SLC14A2: variants seen among roughly 807,000 people sequenced by gnomAD.
The protein encoded by SLC14A2 is solute carrier family 14 member 2, also known as urea transporter 2.
Under a neutral mutation model 104.6 loss-of-function variants are expected in SLC14A2, and 91 were observed. The ratio of observed to expected loss-of-function variants is 0.87; its 90% confidence interval spans 0.73 to 1.04. SLC14A2 has a LOEUF of 1.04. Ranked by LOEUF, SLC14A2 falls within the 50% of genes least tolerant of loss-of-function variation. The probability of loss-of-function intolerance (pLI) is 0.00; values close to 1 mark genes in which losing one functional copy is unlikely to be tolerated. For synonymous variants in SLC14A2, 476 were observed against 466.4 expected, an observed-to-expected ratio of 1.02 and a Z score of -0.27; for missense variants, 1,189 against 1,156.0, an observed-to-expected ratio of 1.03 and a Z score of -0.41.
intron 4 of SLC14A2, among the ~76,000 whole-genome samples, chr18:45,628,456 A>AAAGAAAG (rs1035193288): frequency 6.6e-6 from 1 of 151,692 alleles, no homozygotes; most frequent in African/African-American, 2.4e-5. Flanking sequence ...AAAAAAAAAA[A>AAAGAAAG]AAAGAAAGAA....
At chr18:45,643,051 T>G in intron 8 of SLC14A2, 81 bp from the exon 9 acceptor site, 5 of 1,314,554 alleles carry the variant, frequency 3.8e-6, no homozygotes, top group Non-Finnish European at 5.5e-6. Flanking sequence ...GTTCTTGGTC[T>G]GGGCTCCCTG....
chr18:45,469,060 C>T (rs139012484), intron 1 of SLC14A2, among the ~76,000 whole-genome samples: 1 of 152,112 alleles, frequency 6.6e-6, no homozygotes, highest in African/African-American at 2.4e-5. Flanking sequence ...GCGGAGGTTG[C>T]CCCTCTGTTG....
At chr18:45,602,469 G>A (rs753247645) in intron 2 of SLC14A2, among the ~76,000 whole-genome samples, 13 of 152,200 alleles carry the variant, frequency 8.5e-5, no homozygotes, top group Non-Finnish European at 1.3e-4. Context: ...TTCACCTACT[G>A]TGTGGCTTTT....
At chr18:45,384,313 G>A (rs985058761) in intron 1 of SLC14A2, among the ~76,000 whole-genome samples, 2 of 152,160 alleles carry the variant, frequency 1.3e-5, no homozygotes, top group African/African-American at 2.4e-5. Flanking sequence ...AAAGTGAATA[G>A]CAGCATGGCA....
chr18:45,208,389 A>G (rs1325374893), upstream of SLC14A2, among the ~76,000 whole-genome samples: 2 of 152,190 alleles, frequency 1.3e-5, no homozygotes, highest in Non-Finnish European at 1.5e-5. Context: ...GCGGACGTTC[A>G]TTTCTGAGAG....
chr18:45,367,955 G>A (rs1248107580), intron 1 of SLC14A2, among the ~76,000 whole-genome samples: 1 of 152,102 alleles, frequency 6.6e-6, no homozygotes, highest in African/African-American at 2.4e-5. Context: ...CAAATCTTGA[G>A]CTCACTGGTT....
intron 2 of SLC14A2, among the ~76,000 whole-genome samples, chr18:45,541,116 A>C (rs2043877288): frequency 6.6e-6 from 1 of 152,080 alleles, no homozygotes; most frequent in Non-Finnish European, 1.5e-5. Context: ...GATCTAAGCC[A>C]TTCAGGAGTC....
intron 1 of SLC14A2, among the ~76,000 whole-genome samples, chr18:45,426,150 C>T (rs1044973757): frequency 6.6e-6 from 1 of 152,172 alleles, no homozygotes; most frequent in Admixed American, 6.5e-5. Flanking sequence ...TCTTATCTAG[C>T]AGTCAAGACC....
intron 1 of SLC14A2, among the ~76,000 whole-genome samples, chr18:45,449,753 C>A (rs1373413115): frequency 6.6e-6 from 1 of 152,140 alleles, no homozygotes; most frequent in Non-Finnish European, 1.5e-5. Flanking sequence ...AAAACAAACC[C>A]CAAGAATCAA....
Position 45,627,136 on chromosome 18 carries a change from G to A in SLC14A2, c.510G>A (p.Leu170=). 2 of 1,614,058 alleles carry A rather than the reference G, an allele frequency of 1.2e-6. No individual in the cohort carries two copies. The highest frequency in any genetic ancestry group is 1.7e-6 in the Non-Finnish European group (2 of 1,179,948). The change falls in exon 4 of 20, where the codon TTG becomes TTA. Residue 170 remains leucine, a synonymous_variant. Transcript: ENST00000255226. ...TCTCGACCTTAACAGCTCTCGCCTTGGGCCAAGACAGGTGGGTCCCTCTCT... is the reference window on the plus strand; with the variant it reads ...TCTCGACCTTAACAGCTCTCGCCTTAGGCCAAGACAGGTGGGTCCCTCTCT... ...TVVSTLTALA[L]GQDRSAIASG...
intron 1 of SLC14A2, among the ~76,000 whole-genome samples, chr18:45,229,489 C>T (rs1044954070): frequency 9.9e-5 from 15 of 152,060 alleles, no homozygotes; most frequent in African/African-American, 3.6e-4. Flanking sequence ...ATAGGTCAGG[C>T]GAGAGCTAAA....
upstream of SLC14A2, among the ~76,000 whole-genome samples, chr18:45,611,007 C>T (rs945939784): frequency 2.6e-5 from 4 of 152,174 alleles, no homozygotes; most frequent in Admixed American, 2.0e-4. Flanking sequence ...AGAAACACCA[C>T]GTAAGGCACA....
At chr18:45,295,538 T>G (rs1033055221) in intron 1 of SLC14A2, among the ~76,000 whole-genome samples, 1 of 152,128 alleles carries the variant, frequency 6.6e-6, no homozygotes, top group Non-Finnish European at 1.5e-5. Context: ...ACAAACATTT[T>G]CCTAGATGTG....
intron 1 of SLC14A2, among the ~76,000 whole-genome samples, chr18:45,265,546 C>T (rs909267054): frequency 6.6e-6 from 1 of 152,114 alleles, no homozygotes. Context: ...TTTATTTGGA[C>T]TCTTGTAAAA....
intron 2 of SLC14A2, among the ~76,000 whole-genome samples, chr18:45,598,442 G>A (rs183620890): frequency 3.3e-5 from 5 of 152,212 alleles, no homozygotes; most frequent in South Asian, 2.1e-4. Flanking sequence ...CATGGACGGC[G>A]CTGCATTATG....
chr18:45,610,412 GT>G (rs1395414447), intron 2 of SLC14A2, among the ~76,000 whole-genome samples: 2 of 152,140 alleles, frequency 1.3e-5, no homozygotes, highest in African/African-American at 2.4e-5. Context: ...CAGTGCCCGG[GT>G]TACACCAATT....
Position 45,669,365 on chromosome 18 carries a change from C to G in SLC14A2, c.2096C>G (p.Thr699Arg). The G allele has an allele frequency of 6.2e-7, 1 of 1,614,192 alleles. No individual in the cohort carries two copies. Among genetic ancestry groups the G allele is most frequent in the Non-Finnish European group, 8.5e-7 (1 of 1,179,986 alleles). The change falls in exon 16 of 20, where the codon ACA becomes AGA. Residue 699 changes from threonine to arginine, a missense_variant. By Grantham distance (71) the Thr-to-Arg change is moderately conservative. Coordinates refer to ENST00000255226, the MANE Select transcript of SLC14A2 (RefSeq NM_007163.4). ...IFSKWDLPVF[T>R]LPFNITVTLY... ...AGCAAGTGGGACCTCCCAGTCTTCACACTGCCCTTCAATATCACTGTGACT... is the reference window on the plus strand; with the variant it reads ...AGCAAGTGGGACCTCCCAGTCTTCAGACTGCCCTTCAATATCACTGTGACT...
chr18:45,657,119 A>G (rs555122792), intron 10 of SLC14A2, among the ~76,000 whole-genome samples: 7 of 152,324 alleles, frequency 4.6e-5, no homozygotes, highest in African/African-American at 1.7e-4. Flanking sequence ...GTTTAAAGAG[A>G]AATAGATTCG....
intron 1 of SLC14A2, among the ~76,000 whole-genome samples, chr18:45,440,099 T>C (rs2086659643): frequency 6.6e-6 from 1 of 152,176 alleles, no homozygotes; most frequent in Non-Finnish European, 1.5e-5. Context: ...GATCAAATCA[T>C]GATCTAATGA....
Sources: gnomAD v4.1 joint callset for allele counts (sites outside exome capture counted in the v4.1 genomes callset) on GRCh38, gnomAD v4.1.1 for gene constraint, MANE v1.5 for transcripts, NCBI Gene and HGNC (gene_info 2026-07-23, HGNC 2026-07-21) for gene names.